The following ARID1B variants were observed in gnomAD, a reference collection of about 807,000 sequenced individuals.
The protein encoded by ARID1B is AT-rich interactive domain-containing protein 1B.
Under a neutral mutation model 212.3 loss-of-function variants are expected in ARID1B, and 30 were observed. The ratio of observed to expected loss-of-function variants is 0.14; its 90% CI spans 0.11 to 0.19. The LOEUF (loss-of-function observed/expected upper bound fraction) is 0.19, where lower values mean the gene tolerates loss of function less well. ARID1B is among the 10% of genes least tolerant of loss of function. The probability of loss-of-function intolerance (pLI) is 1.00; values close to 1 mark genes in which losing one functional copy is unlikely to be tolerated. For synonymous variants in ARID1B, 1,402 were observed against 1,301.7 expected, an observed-to-expected ratio of 1.08 and a Z score of -1.66; for missense variants, 2,891 against 3,204.0, an observed-to-expected ratio of 0.90 and a Z score of 2.36.
chr6:157,087,823 G>A (rs149016719), intron 5 of ARID1B, among the ~76,000 whole-genome samples: 2,245 of 150,196 alleles, frequency 0.015, 67 homozygotes, highest in African/African-American at 0.053. Context: ...AAAAGTCCAC[G>A]TTCCTCTTGG....
chr6:157,161,894 C>CCTGGCA (rs1790969073), intron 8 of ARID1B, among the ~76,000 whole-genome samples: 1 of 152,188 alleles, frequency 6.6e-6, no homozygotes, highest in South Asian at 2.1e-4. Context: ...GTTATGTACA[C>CCTGGCA]CTGGCACTCG....
At chr6:156,817,080 T>TA (rs66864321) in intron 1 of ARID1B, among the ~76,000 whole-genome samples, 20,321 of 135,040 alleles carry the variant, frequency 0.15, 1,888 homozygotes, top group East Asian at 0.32. Flanking sequence ...GCCCTTTAAT[T>TA]AAAAAAAAAA....
chr6:157,032,888 TAGAG>T (rs1243533156), intron 4 of ARID1B, among the ~76,000 whole-genome samples: 44 of 152,250 alleles, frequency 2.9e-4, no homozygotes, highest in African/African-American at 9.4e-4. Flanking sequence ...TTTTACTTAA[TAGAG>T]TATCCTGGAA....
intron 7 of ARID1B, among the ~76,000 whole-genome samples, chr6:157,137,889 G>C (rs960804980): frequency 4.6e-5 from 7 of 152,150 alleles, no homozygotes; most frequent in African/African-American, 1.7e-4. Context: ...GTGTTTTTCA[G>C]AAGGGTTTAA....
intron 4 of ARID1B, among the ~76,000 whole-genome samples, chr6:157,039,532 T>G (rs571076403): frequency 4.0e-4 from 61 of 152,032 alleles, no homozygotes; most frequent in South Asian, 3.9e-3. Context: ...GGGTTTCACC[T>G]TGTTACCCAG....
chr6:157,150,590 G>A (rs529366371), intron 8 of ARID1B: 8 of 167,882 alleles, frequency 4.8e-5, no homozygotes, highest in South Asian at 2.0e-4. Flanking sequence ...CTCAGGCAGC[G>A]GCAGGATGCA....
At position 157,200,742 on chromosome 6, in the gene ARID1B, C is replaced by T. The variant is rs1443644212; in HGVS notation, c.4517C>T (p.Pro1506Leu). 6.2e-7 allele frequency: 1 copy of T among 1,613,238 alleles called. No homozygotes were observed. Among genetic ancestry groups the T allele is most frequent in the Non-Finnish European group, 8.5e-7 (1 of 1,179,658 alleles). ...CATATGGACGGCATGTACGGGCCCC[C>T]AGCCAAGCGCCACGAGGGCGACATG... ...KRHMDGMYGP[P>L]AKRHEGDMYN... is the part of the protein sequence containing the mutation. Residue 1506 changes from proline (P) to leucine (L), a missense_variant, in exon 18 of 20, where the codon CCA (proline) becomes CTA (leucine). Pro to Leu is a moderately conservative substitution (Grantham distance 98). Transcript: ENST00000636930. This position sits in a 1 kb window ranked among gnomAD's most constrained non-coding sequence, Gnocchi z 4.3.
chr6:156,848,129 A>G (rs1289654392), intron 2 of ARID1B, among the ~76,000 whole-genome samples: 1 of 152,224 alleles, frequency 6.6e-6, no homozygotes, highest in Non-Finnish European at 1.5e-5. Context: ...AAAGAATGAA[A>G]CGGGAAGAAA....
intron 2 of ARID1B, among the ~76,000 whole-genome samples, chr6:156,847,927 G>C (rs995810363): frequency 6.6e-6 from 1 of 152,084 alleles, no homozygotes; most frequent in Non-Finnish European, 1.5e-5. Flanking sequence ...TCAGAGCAAG[G>C]GTGTTGTAAT....
intron 7 of ARID1B, among the ~76,000 whole-genome samples, chr6:157,138,460 ACTCCTGGGCT>A (rs1200103757): frequency 6.6e-6 from 1 of 151,898 alleles, no homozygotes; most frequent in African/African-American, 2.4e-5. Context: ...CTAGTTTCAA[ACTCCTGGGCT>A]CACATGATCC....
At chr6:156,784,376 A>G (rs1031967998) in intron 1 of ARID1B, among the ~76,000 whole-genome samples, 7 of 152,176 alleles carry the variant, frequency 4.6e-5, no homozygotes, top group Non-Finnish European at 7.4e-5. Flanking sequence ...TATTATAAAT[A>G]TCTTTTCTCT....
chr6:156,915,252 A>G (rs941463350), intron 3 of ARID1B, among the ~76,000 whole-genome samples: 8 of 152,176 alleles, frequency 5.3e-5, no homozygotes, highest in Non-Finnish European at 1.0e-4. Flanking sequence ...CTTCTTTGAT[A>G]GAATTGCTGG....
chr6:157,091,530 GA>G (rs1357712196), intron 5 of ARID1B, among the ~76,000 whole-genome samples: 1 of 152,236 alleles, frequency 6.6e-6, no homozygotes, highest in Non-Finnish European at 1.5e-5. Flanking sequence ...ATGGGAAAGA[GA>G]AAGATGAATC....
At chr6:157,021,560 G>A (rs1478161786) in intron 4 of ARID1B, among the ~76,000 whole-genome samples, 2 of 152,192 alleles carry the variant, frequency 1.3e-5, no homozygotes, top group Non-Finnish European at 2.9e-5. Context: ...GGGGACAGGG[G>A]GACGAAAACA....
At chr6:157,132,634 G>C (rs1018005069) in intron 6 of ARID1B, among the ~76,000 whole-genome samples, 1 of 152,214 alleles carries the variant, frequency 6.6e-6, no homozygotes, top group East Asian at 1.9e-4. Flanking sequence ...GGGAGCAAAG[G>C]CTTGGAGCAG....
chr6:156,912,158 C>T (rs539498042), intron 3 of ARID1B, among the ~76,000 whole-genome samples: 8 of 152,096 alleles, frequency 5.3e-5, no homozygotes, highest in South Asian at 4.2e-4. Context: ...TTACCCATTC[C>T]GGTGGCAGAC....
chr6:156,993,128 C>G (rs994344070), intron 4 of ARID1B, among the ~76,000 whole-genome samples: 1 of 151,484 alleles, frequency 6.6e-6, no homozygotes, highest in Middle Eastern at 3.5e-3. Context: ...CTGCAAACTC[C>G]GCCTCCCGGT....
intron 2 of ARID1B, among the ~76,000 whole-genome samples, chr6:156,872,733 G>C (rs1368286632): frequency 1.3e-5 from 2 of 152,108 alleles, no homozygotes; most frequent in Non-Finnish European, 2.9e-5. Flanking sequence ...AGGGGAAATA[G>C]GTATCTGAGA....
intron 4 of ARID1B, among the ~76,000 whole-genome samples, chr6:157,074,808 C>G (rs1231655660): frequency 6.6e-6 from 1 of 152,042 alleles, no homozygotes; most frequent in East Asian, 1.9e-4. Flanking sequence ...GGAACGTGCT[C>G]CAGGGAACAG....
Sources: gnomAD v4.1 joint callset for allele counts (sites outside exome capture counted in the v4.1 genomes callset) on GRCh38, gnomAD v4.1.1 for gene constraint, Gnocchi (gnomAD v3.1) non-coding constraint, MANE v1.5 for transcripts, NCBI Gene and HGNC (gene_info 2026-07-23, HGNC 2026-07-21) for gene names.